Variants in LAMA2 observed in about 807,000 individuals in gnomAD.
The protein encoded by LAMA2 is laminin subunit alpha 2.
In LAMA2, 269 loss-of-function variants were observed where a neutral mutation model predicts 364.8. The observed-to-expected ratio is 0.74, with a 90% CI of 0.67 to 0.82. The LOEUF (loss-of-function observed/expected upper bound fraction) is 0.82, where lower values mean the gene tolerates loss of function less well. LAMA2 is among the 40% of genes least tolerant of loss of function. The probability of loss-of-function intolerance (pLI) is 0.00; values close to 1 mark genes in which losing one functional copy is unlikely to be tolerated. For missense variants in LAMA2, 3,807 were observed against 3,873.2 expected (o/e 0.98, Z 0.45); for synonymous variants, 1,379 against 1,370.6 (o/e 1.01, Z -0.14).
intron 56 of LAMA2, 78 bp downstream of exon 56, chr6:129,486,700 G>A: frequency 1.5e-6 from 2 of 1,312,308 alleles, no homozygotes; most frequent in Admixed American, 3.4e-5. Context: ...ATCAGTATCT[G>A]CCTGAACCTC....
chr6:128,929,656 G>A (rs1779328972), intron 1 of LAMA2: 2 of 1,427,590 alleles, frequency 1.4e-6, no homozygotes, highest in Non-Finnish European at 9.9e-7. Context: ...ATGCGGTCTC[G>A]GTTTGTCACT....
At chr6:129,328,634 A>G (rs1400078908) in intron 29 of LAMA2, among the ~76,000 whole-genome samples, 1 of 152,250 alleles carries the variant, frequency 6.6e-6, no homozygotes, top group Admixed American at 6.5e-5. Context: ...GAATTTTAGC[A>G]GCATCTTAGA....
intron 1 of LAMA2, among the ~76,000 whole-genome samples, chr6:129,026,099 A>G (rs957143467): frequency 2.6e-5 from 4 of 152,196 alleles, no homozygotes; most frequent in African/African-American, 9.6e-5. Flanking sequence ...CTCCCTAGAC[A>G]TAGACTATTT....
At position 129,448,287 on chromosome 6, in the gene LAMA2, CA is replaced by C. The variant is rs11443015; in HGVS notation, c.6429+2475del. Among the ~76,000 whole-genome samples the C allele has an allele frequency of 4.8e-5, 7 of 147,254 alleles. No homozygotes were observed. The East Asian group carries it at 5.9e-4, about 12-fold the overall frequency. ...GGCAAATAGAAACCCTGTCCCCCCC[CA>C]AAAAAAAAGAGAAGAAAAAAAGAAA... On this transcript the variant is annotated intron_variant, in intron 45 of 64. Transcript: ENST00000421865.
intron 12 of LAMA2, among the ~76,000 whole-genome samples, chr6:129,200,452 A>G (rs1481112730): frequency 6.7e-6 from 1 of 150,336 alleles, no homozygotes; most frequent in Non-Finnish European, 1.5e-5. Context: ...ATATATGTAT[A>G]TATATACATG....
At chr6:129,099,662 C>T (rs1308674306) in intron 4 of LAMA2, among the ~76,000 whole-genome samples, 2 of 152,190 alleles carry the variant, frequency 1.3e-5, no homozygotes, top group Non-Finnish European at 2.9e-5. Flanking sequence ...CTAGGGTTAT[C>T]TCTCAACACT....
chr6:129,381,499 G>A (rs553836506), intron 34 of LAMA2, among the ~76,000 whole-genome samples: 8 of 152,212 alleles, frequency 5.3e-5, no homozygotes, highest in Non-Finnish European at 7.4e-5. Context: ...GTATGTGAAT[G>A]TGTTTATGTA....
At chr6:129,121,445 T>C (rs941668850) in intron 4 of LAMA2, among the ~76,000 whole-genome samples, 13 of 152,204 alleles carry the variant, frequency 8.5e-5, no homozygotes, top group African/African-American at 3.1e-4. Context: ...GTCATTCCCA[T>C]GGATTAGCAA....
At chr6:128,884,342 CG>C (rs1776027635) in intron 1 of LAMA2, among the ~76,000 whole-genome samples, 1 of 151,800 alleles carries the variant, frequency 6.6e-6, no homozygotes, top group South Asian at 2.1e-4. Context: ...ATTTATTATT[CG>C]GTTTTAAATA....
At chr6:128,969,963 T>C (rs1782088639) in intron 1 of LAMA2, among the ~76,000 whole-genome samples, 1 of 152,110 alleles carries the variant, frequency 6.6e-6, no homozygotes, top group Non-Finnish European at 1.5e-5. Context: ...CAAAAATCTA[T>C]AATAGAAAAC....
At chr6:129,514,747 T>C (rs1583958899) in intron 64 of LAMA2, 152 bp downstream of exon 64, 1 of 721,192 alleles carries the variant, frequency 1.4e-6, no homozygotes, top group East Asian at 2.7e-5. Flanking sequence ...TTACCTAAAA[T>C]TTCCAGTGTG....
chr6:129,456,366 G>T lies in LAMA2; in HGVS notation c.6739G>T (p.Ala2247Ser). The change falls in exon 48 of 65, where the codon GCC (alanine) becomes TCC (serine). Residue 2247 changes from alanine to serine, a missense_variant. Coordinates refer to ENST00000421865, the MANE Select transcript of LAMA2 (RefSeq NM_000426.4). ...TGRNGTISVR[A>S]LDGPKASIVP... ...GAGAAATGGAACTATTTCTGTGAGA[G>T]CCCTGGATGGACCCAAAGCCAGCAT... The T allele has an allele frequency of 6.2e-7, 1 of 1,613,616 alleles. No individual in the cohort carries two copies. Among genetic ancestry groups the T allele is most frequent in the African/African-American group, 1.3e-5 (1 of 75,008 alleles).
intron 1 of LAMA2, among the ~76,000 whole-genome samples, chr6:128,920,056 ACTGT>A (rs1193927613): frequency 1.3e-5 from 2 of 152,186 alleles, no homozygotes; most frequent in African/African-American, 4.8e-5. Context: ...GGAATATATC[ACTGT>A]CTCTTTCAGT....
intron 1 of LAMA2, among the ~76,000 whole-genome samples, chr6:128,974,313 A>G (rs1782383943): frequency 6.6e-6 from 1 of 152,144 alleles, no homozygotes; most frequent in Non-Finnish European, 1.5e-5. Flanking sequence ...CTAAAATCCA[A>G]TTTCCACCTG....
chr6:129,227,708 C>A (rs552437972), intron 12 of LAMA2, among the ~76,000 whole-genome samples: 67 of 152,260 alleles, frequency 4.4e-4, no homozygotes, highest in African/African-American at 1.3e-3. Context: ...CAGAGGGGTA[C>A]TCGGCCGTGT....
intron 4 of LAMA2, among the ~76,000 whole-genome samples, chr6:129,107,819 G>A (rs1423475296): frequency 6.6e-6 from 1 of 152,134 alleles, no homozygotes; most frequent in East Asian, 1.9e-4. Context: ...TGAATTCAGT[G>A]TATTCTCAGA....
intron 1 of LAMA2, among the ~76,000 whole-genome samples, chr6:128,903,879 G>A (rs955755108): frequency 3.3e-5 from 5 of 152,166 alleles, no homozygotes; most frequent in African/African-American, 1.2e-4. Flanking sequence ...GTGGACTTTG[G>A]TTTTAAGAGG....
rs916198797 is a variant in LAMA2, at chr6:129,107,232, C to G, written c.639+8817C>G. 2.6e-5 allele frequency among the ~76,000 whole-genome samples: 4 copies of G among 152,248 alleles called. 1 individual carries two copies. Among genetic ancestry groups the G allele is most frequent in the Middle Eastern group, 3.4e-3 (1 of 294 alleles). On this transcript the variant is annotated intron_variant, in intron 4 of 64. Transcript: ENST00000421865. ...GTAAACCATCTAATATGTGCCCCAGCCAGTTTACGTGGTTATAATAACGAT... is the reference window on the plus strand; with the variant it reads ...GTAAACCATCTAATATGTGCCCCAGGCAGTTTACGTGGTTATAATAACGAT...
At chr6:129,370,754 G>T (rs1159701644) in intron 34 of LAMA2, among the ~76,000 whole-genome samples, 2 of 152,040 alleles carry the variant, frequency 1.3e-5, no homozygotes, top group Non-Finnish European at 2.9e-5. Flanking sequence ...GAGCTGCCTC[G>T]GGCCATGACA....
Sources: gnomAD v4.1 joint callset for allele counts (sites outside exome capture counted in the v4.1 genomes callset) on GRCh38, gnomAD v4.1.1 for gene constraint, MANE v1.5 for transcripts, NCBI Gene and HGNC (gene_info 2026-07-23, HGNC 2026-07-21) for gene names.